The following EPPK1 variants were observed in gnomAD, a reference collection of about 807,000 sequenced individuals.
EPPK1 encodes the protein epiplakin 1, also known as epiplakin.
For synonymous variants in EPPK1, 1,862 were observed against 1,721.2 expected, an observed-to-expected ratio of 1.08 and a Z score of -2.03; for missense variants, 3,823 against 3,673.3, an observed-to-expected ratio of 1.04 and a Z score of -1.05.
intron 1 of EPPK1, among the ~76,000 whole-genome samples, chr8:143,876,845 G>A (rs142900095): frequency 2.0e-5 from 3 of 152,232 alleles, no homozygotes; most frequent in Non-Finnish European, 4.4e-5. Flanking sequence ...TCCCAGCAAG[G>A]GGGAGGGGCA....
Position 143,872,449 on chromosome 8 carries a change from C to A in EPPK1, c.805G>T (p.Val269Leu), listed in dbSNP as rs370393836. ...QGLREGRLAA[V>L]DVSARAEVRR... ...ACCTCGGCACGTGCACTCACGTCCA[C>A]TGCGGCCAGCCTGCCCTCCCGCAGA... The change falls in exon 2 of 2, where the codon GTG becomes TTG. Residue 269 changes from valine (V) to leucine (L), a missense_variant. Coordinates refer to ENST00000615648, the MANE Select transcript of EPPK1 (RefSeq NM_031308.4). The A allele has an allele frequency of 6.3e-7, 1 of 1,596,488 alleles. No homozygotes were observed. Among genetic ancestry groups the A allele is most frequent in the Non-Finnish European group, 8.5e-7 (1 of 1,177,222 alleles).
rs2130641203 is a variant in EPPK1 at position 143,870,524 on chromosome 8, T to C, written c.2730A>G (p.Thr910=). 3 of 1,609,452 alleles carry C rather than the reference T, an allele frequency of 1.9e-6. No homozygotes were observed. Among genetic ancestry groups the C allele is most frequent in the East Asian group, 4.5e-5 (2 of 44,774 alleles). The part of the protein sequence containing the change: ...QQLLDQVLAG[T]ISPEALLLMD... ...TGAGTAGGAGGGCCTCCGGGCTGAT[T>C]GTCCCGGCCAGCACTTGGTCCAACA... The change falls in exon 2 of 2, where the codon ACA becomes ACG. Residue 910 remains threonine, a synonymous_variant. Coordinates refer to ENST00000615648, the MANE Select transcript of EPPK1 (RefSeq NM_031308.4). This position sits in a 1 kb window ranked among gnomAD's most constrained non-coding sequence, Gnocchi z 5.2.
rs191674254 is a variant in EPPK1 at position 143,868,352 on chromosome 8, G to T, written c.4902C>A (p.Phe1634Leu). 6.2e-7 allele frequency: 1 copy of T among 1,613,044 alleles called. No homozygotes were observed. Among genetic ancestry groups the T allele is most frequent in the Non-Finnish European group, 8.5e-7 (1 of 1,180,004 alleles). Reference sequence around the variant, plus strand: ...GCAGCTTCACGTAGGTTTCTTTCCCGAACATTCCTGCTTTGAACGCCTCCT... The same window carrying T: ...GCAGCTTCACGTAGGTTTCTTTCCCTAACATTCCTGCTTTGAACGCCTCCT... The part of the protein sequence containing the change: ...TVEEAFKAGM[F>L]GKETYVKLLS... The change falls in exon 2 of 2, where the codon TTC becomes TTA. Residue 1634 changes from phenylalanine to leucine, a missense_variant. Transcript: ENST00000615648.
At position 143,857,712 on chromosome 8, in the gene EPPK1, G is replaced by A. The variant is rs1189950474; in HGVS notation, c.*275C>T. On this transcript the variant is annotated 3_prime_UTR_variant, in exon 2 of 2. Transcript: ENST00000615648. ...GGAAGCAGTGAATCCAAAACAGACA[G>A]AAAAATGTTCTGAAAACGAAAAAGG... 5.0e-6 allele frequency: 2 copies of A among 402,230 alleles called. No individual in the cohort carries two copies. The highest frequency in any genetic ancestry group is 2.1e-5 in the African/African-American group (1 of 48,360). 24.9% of individuals were successfully genotyped at this position (402,230 alleles called of 1,614,324 possible).
rs1303319860 is a variant in EPPK1, at chr8:143,859,316, C to T, written c.13938G>A (p.Pro4646=). The T allele has an allele frequency of 1.8e-4, 59 of 330,146 alleles. 2 individuals carry two copies. In the East Asian group the frequency reaches 2.1e-3, roughly 11 times the overall value. The allele number at this position is 330,146 out of a possible 1,614,324, so 20.5% of individuals were successfully genotyped here. A position where few individuals can be genotyped will look rare whatever the true frequency, so the allele number is the denominator to read the frequency against. The stretch of plus-strand genomic sequence containing the variant: ...GCAGGGCCTCCCGGGGGTCTGGGCG[C>T]GGGCTCCCGGCCTCGGCCTCGGCCT... The part of the protein sequence containing the change: ...RAEAEAEAGS[P]RPDPREALRA... The change falls in exon 2 of 2, where the codon CCG becomes CCA. Residue 4646 remains proline, a synonymous_variant. Coordinates refer to ENST00000615648, the MANE Select transcript of EPPK1 (RefSeq NM_031308.4).
At chr8:143,873,763 C>T (rs1819428304) in intron 1 of EPPK1, among the ~76,000 whole-genome samples, 1 of 152,174 alleles carries the variant, frequency 6.6e-6, no homozygotes, top group African/African-American at 2.4e-5. Context: ...CTTTTGTTCT[C>T]CAAAGGCTCT....
rs781907225 is a variant in EPPK1, at chr8:143,870,759, G to A, written c.2495C>T (p.Ser832Phe). The A allele has an allele frequency of 2.5e-6, 4 of 1,612,598 alleles. No homozygotes were observed. The highest frequency in any genetic ancestry group is 1.3e-5 in the African/African-American group (1 of 75,058). The change falls in exon 2 of 2, where the codon TCC becomes TTC. Residue 832 changes from serine (S) to phenylalanine (F), a missense_variant. Transcript: ENST00000615648. This position sits in a 1 kb window ranked among gnomAD's most constrained non-coding sequence, Gnocchi z 5.2. ...KYGRFQGQRV[S>F]AWELINSEYF... ...CTCAGAGTTGATCAGCTCCCACGCGGAGACCCTCTGCCCCTGAAACCGTCC... is the reference window on the plus strand; with the variant it reads ...CTCAGAGTTGATCAGCTCCCACGCGAAGACCCTCTGCCCCTGAAACCGTCC...
Position 143,871,711 on chromosome 8 carries a change from A to T in EPPK1, c.1543T>A (p.Phe515Ile). ...TGCTCTGAGGAGATGGCCTCAGAGAAGAGCAGCTCCCAGAGGGACACGGGC... is the reference window on the plus strand; with the variant it reads ...TGCTCTGAGGAGATGGCCTCAGAGATGAGCAGCTCCCAGAGGGACACGGGC... Reference protein sequence around the residue: ...GRPVSLWELLFSEAISSEQRA... With the variant: ...GRPVSLWELLISEAISSEQRA... The change falls in exon 2 of 2, where the codon TTC (phenylalanine) becomes ATC (isoleucine). Residue 515 changes from phenylalanine (F) to isoleucine (I), a missense_variant. Physicochemically the swap from Phe to Ile is conservative, Grantham distance 21. Transcript: ENST00000615648. 1 of 1,608,162 alleles carries T rather than the reference A, an allele frequency of 6.2e-7. No individual in the cohort carries two copies. The highest frequency in any genetic ancestry group is 1.7e-5 in the Admixed American group (1 of 59,720).
chr8:143,870,631 GTC>G lies in EPPK1; in HGVS notation c.2621_2622del (p.Arg874ThrfsTer25). 6.2e-7 allele frequency: 1 copy of G among 1,606,266 alleles called. No homozygotes were observed. Among genetic ancestry groups the G allele is most frequent in the Non-Finnish European group, 8.5e-7 (1 of 1,177,336 alleles). ...VAKLLEAETQ[R>X]QADIMLPALR... is the part of the protein sequence containing the mutation. ...AGTGCGGGCAGCATGATGTCCGCCT[GTC>G]TCTGCGTCTCCGCCTCCAGCAGCTT... On this transcript the variant is annotated frameshift_variant, in exon 2 of 2. Coordinates refer to ENST00000615648, the MANE Select transcript of EPPK1 (RefSeq NM_031308.4). LOFTEE classifies it low-confidence loss of function (END_TRUNC). This position sits in a 1 kb window ranked among gnomAD's most constrained non-coding sequence, Gnocchi z 5.2.
Position 143,871,855 on chromosome 8 carries a change from G to C in EPPK1, c.1399C>G (p.Pro467Ala). 2 of 1,611,666 alleles carry C rather than the reference G, an allele frequency of 1.2e-6. No homozygotes were observed. Among genetic ancestry groups the C allele is most frequent in the Non-Finnish European group, 8.5e-7 (1 of 1,179,806 alleles). The change falls in exon 2 of 2, where the codon CCA (proline) becomes GCA (alanine). Residue 467 changes from proline to alanine, a missense_variant. By Grantham distance (27) the Pro-to-Ala change is conservative. Transcript: ENST00000615648. ...CCTCCCCGGGGTCCCCCTGAGAGTG[G>C]CAGGAAGGCAAGCCCGGTCTCTGGG... Reference protein sequence around the residue: ...TDPETGLAFLPLSGGPRGGEP... With the variant: ...TDPETGLAFLALSGGPRGGEP...
rs370393836 is a variant in EPPK1, at chr8:143,872,449, C to T, written c.805G>A (p.Val269Met). The T allele has an allele frequency of 3.8e-5, 60 of 1,596,488 alleles. No homozygotes were observed. The African/African-American group carries it at 7.3e-4, about 20-fold the overall frequency. The change falls in exon 2 of 2, where the codon GTG becomes ATG. Residue 269 changes from valine to methionine, a missense_variant. By Grantham distance (21) the Val-to-Met change is conservative. Transcript: ENST00000615648. Reference protein sequence around the residue: ...QGLREGRLAAVDVSARAEVRR... With the variant: ...QGLREGRLAAMDVSARAEVRR... ...ACCTCGGCACGTGCACTCACGTCCA[C>T]TGCGGCCAGCCTGCCCTCCCGCAGA...
Position 143,867,409 on chromosome 8 carries a change from G to T in EPPK1, c.5845C>A (p.Leu1949Ile), listed in dbSNP as rs1554659464. Residue 1949 changes from leucine to isoleucine, a missense_variant, in exon 2 of 2, where the codon CTC (leucine) becomes ATC (isoleucine). Transcript: ENST00000615648. ...FLLDPCTRQKLSVDEAVDVGL... is the reference protein window; with the variant it reads ...FLLDPCTRQKISVDEAVDVGL... Reference sequence around the variant, plus strand: ...ACATCCACAGCCTCATCCACAGAGAGCTTCTGGCGGGTGCAGGGGTCCAGG... The same window carrying T: ...ACATCCACAGCCTCATCCACAGAGATCTTCTGGCGGGTGCAGGGGTCCAGG... 3 of 1,612,882 alleles carry T rather than the reference G, an allele frequency of 1.9e-6. No homozygotes were observed. Among genetic ancestry groups the T allele is most frequent in the Non-Finnish European group, 2.5e-6 (3 of 1,179,876 alleles).
chr8:143,870,589 C>A lies in EPPK1; in HGVS notation c.2665G>T (p.Val889Phe). Reference sequence around the variant, plus strand: ...ATACCGGCCTCCAGGAGCTGGTGGACGGTGACCCGGCTCCGCAGTGCGGGC... The same window carrying A: ...ATACCGGCCTCCAGGAGCTGGTGGAAGGTGACCCGGCTCCGCAGTGCGGGC... ...MLPALRSRVTVHQLLEAGIID... is the reference protein window; with the variant it reads ...MLPALRSRVTFHQLLEAGIID... Residue 889 changes from valine to phenylalanine, a missense_variant, in exon 2 of 2, where the codon GTC becomes TTC. Val to Phe is a conservative substitution (Grantham distance 50). Transcript: ENST00000615648. This position sits in a 1 kb window ranked among gnomAD's most constrained non-coding sequence, Gnocchi z 5.2. 6.2e-7 allele frequency: 1 copy of A among 1,609,300 alleles called. No homozygotes were observed. Among genetic ancestry groups the A allele is most frequent in the Non-Finnish European group, 8.5e-7 (1 of 1,178,656 alleles).
At position 143,870,159 on chromosome 8, in the gene EPPK1, G is replaced by A. The variant is rs1819292042; in HGVS notation, c.3095C>T (p.Pro1032Leu). The A allele has an allele frequency of 1.9e-6, 3 of 1,611,718 alleles. No individual in the cohort carries two copies. The highest frequency in any genetic ancestry group is 1.3e-5 in the African/African-American group (1 of 74,866). Residue 1032 changes from proline to leucine, a missense_variant, in exon 2 of 2, where the codon CCT becomes CTT. Physicochemically the swap from Pro to Leu is moderately conservative, Grantham distance 98. Transcript: ENST00000615648. The surrounding 1 kb of genome is among the most constrained non-coding windows in gnomAD (Gnocchi z 5.2). ...VFQAMKKGLIPWEQAARLLEA... is the reference protein window; with the variant it reads ...VFQAMKKGLILWEQAARLLEA... The stretch of plus-strand genomic sequence containing the variant: ...CAGGAGGCGGGCAGCTTGCTCCCAA[G>A]GGATGAGACCTTTCTTCATGGCCTG...
rs1245014077 is a variant in EPPK1, at chr8:143,867,141, T to C, written c.6113A>G (p.Lys2038Arg). ...GTCGGAAATGAGCGCATAGATGTCC[T>C]TGTGCAGACAGCCCCGTCTGTAGGC... is the stretch of plus-strand genomic sequence containing the variant. The part of the protein sequence containing the change: ...ETAYRRGCLH[K>R]DIYALISDQK... Residue 2038 changes from lysine (K) to arginine (R), a missense_variant, in exon 2 of 2, where the codon AAG (lysine) becomes AGG (arginine). Transcript: ENST00000615648. The C allele has an allele frequency of 2.5e-6, 4 of 1,612,842 alleles. No individual in the cohort carries two copies. The highest frequency in any genetic ancestry group is 2.5e-6 in the Non-Finnish European group (3 of 1,179,730).
chr8:143,866,390 G>T lies in EPPK1; in HGVS notation c.6864C>A (p.Ala2288=). ...GGATCTCGCCGCCCACCACGCCCGC[G>T]GCCACGGCCTCCTCCACCGACAGCC... ...NLRLSVEEAV[A]AGVVGGEIQE... Residue 2288 remains alanine, a synonymous_variant, in exon 2 of 2, where the codon GCC becomes GCA. Coordinates refer to ENST00000615648, the MANE Select transcript of EPPK1 (RefSeq NM_031308.4). 2 of 1,013,110 alleles carry T rather than the reference G, an allele frequency of 2.0e-6. No homozygotes were observed. Among genetic ancestry groups the T allele is most frequent in the Non-Finnish European group, 2.7e-6 (2 of 727,996 alleles). 62.8% of individuals were successfully genotyped at this position (1,013,110 alleles called of 1,614,324 possible).
rs1228951717 is a variant in EPPK1, at chr8:143,858,119, G to C, written c.15135C>G (p.Ala5045=). ...AGCCCTTGGTGTCGTCGCTGGGGTC[G>C]GCCAGGACGCGGTTCATCTCCTCGT... The part of the protein sequence containing the change: ...YFDEEMNRVL[A]DPSDDTKGFF... Residue 5045 remains alanine, a synonymous_variant, in exon 2 of 2, where the codon GCC becomes GCG. Coordinates refer to ENST00000615648, the MANE Select transcript of EPPK1 (RefSeq NM_031308.4). 114 of 1,612,894 alleles carry C rather than the reference G, an allele frequency of 7.1e-5. 1 individual carries two copies. The East Asian group carries it at 2.2e-3, about 32-fold the overall frequency.
Position 143,866,969 on chromosome 8 carries a change from G to T in EPPK1, c.6285C>A (p.Ile2095=). The change falls in exon 2 of 2, where the codon ATC becomes ATA. Residue 2095 remains isoleucine (I), a synonymous_variant. Transcript: ENST00000615648. ...CCAGGGCCCTTCTCGTCTCGTCATC[G>T]ATGTGCTCGGAGTCCCGTGCAGCCT... ...VNKAARDSEH[I]DDETRRALEA... The T allele has an allele frequency of 5.0e-6, 8 of 1,612,752 alleles. No individual in the cohort carries two copies. Among genetic ancestry groups the T allele is most frequent in the Non-Finnish European group, 6.8e-6 (8 of 1,179,860 alleles).
At chr8:143,876,056 G>A (rs1819471411) in intron 1 of EPPK1, among the ~76,000 whole-genome samples, 4 of 152,290 alleles carry the variant, frequency 2.6e-5, no homozygotes, top group Admixed American at 2.6e-4. Context: ...CTTCTGCCAG[G>A]GGACACAGCT....
Sources: allele counts gnomAD v4.1 joint callset (sites outside exome capture counted in the v4.1 genomes callset), GRCh38; gene constraint gnomAD v4.1.1; non-coding constraint Gnocchi (gnomAD v3.1); transcripts MANE v1.5; gene names NCBI Gene and HGNC (gene_info 2026-07-23, HGNC 2026-07-21).